The following PCDHA8 variants were observed in gnomAD, a reference collection of about 807,000 sequenced individuals.
PCDHA8 encodes the protein protocadherin alpha 8.
In PCDHA8, 53 loss-of-function variants were observed where a neutral mutation model predicts 61.8. The ratio of observed to expected loss-of-function variants is 0.86; its 90% CI spans 0.69 to 1.08. The LOEUF is 1.08. Ranked by LOEUF, PCDHA8 falls within the 50% of genes least tolerant of loss-of-function variation. The pLI is 0.00. For missense variants in PCDHA8, 1,293 were observed against 1,245.0 expected (o/e 1.04, Z -0.58); for synonymous variants, 618 against 556.6 (o/e 1.11, Z -1.55).
In PCDHA8 at chr5:140,858,119, C is replaced by G. The variant is rs1444406371; in HGVS notation, c.2394+14404C>G. The G allele has an allele frequency of 1.6e-5, 26 of 1,597,694 alleles. 1 individual carries two copies. The highest frequency in any genetic ancestry group is 2.1e-5 in the Non-Finnish European group (25 of 1,167,644). On this transcript the variant is annotated intron_variant, in intron 1 of 3. Transcript: ENST00000531613. The stretch of plus-strand genomic sequence containing the variant: ...AGTGGGCGTGGCGCCCGAGGTGGCC[C>G]TGGTGGATGTCAACGTGTACCTGAT...
chr5:140,883,453 C>T (rs138388360), intron 1 of PCDHA8: 46 of 1,614,168 alleles, frequency 2.8e-5, no homozygotes, highest in Non-Finnish European at 3.9e-5. Context: ...ATGTCCCCTT[C>T]AAGCTGGTGT....
At position 140,941,204 on chromosome 5, in the gene PCDHA8, TTTCTTTCTTC is replaced by T. The variant is rs1554213952; in HGVS notation, c.2395-37744_2395-37735del. Among the ~76,000 whole-genome samples, 512 of 88,682 alleles carry T rather than the reference TTTCTTTCTTC, an allele frequency of 5.8e-3. 4 individuals are homozygous for T. Among genetic ancestry groups the T allele is most frequent in the African/African-American group, 0.011 (178 of 16,048 alleles). The allele number at this position is 88,682 out of a possible 152,430, so 58.2% of individuals were successfully genotyped here. ...CTGCTTCTTTTTTTTTCTTTCTTCC[TTTCTTTCTTC>T]CTTTCTTTCTTTCTTTCTTTCTTTC... On this transcript the variant is annotated intron_variant, in intron 1 of 3. Coordinates refer to ENST00000531613, the MANE Select transcript of PCDHA8 (RefSeq NM_018911.3).
chr5:140,843,741 A>T, intron 1 of PCDHA8, 26 bp downstream of exon 1: 3 of 1,536,408 alleles, frequency 2.0e-6, no homozygotes. Context: ...TTTAGAACTC[A>T]TAAATTCTAT....
intron 1 of PCDHA8, among the ~76,000 whole-genome samples, chr5:140,922,956 T>G (rs2081088317): frequency 6.6e-6 from 1 of 152,236 alleles, no homozygotes; most frequent in Non-Finnish European, 1.5e-5. Context: ...CCAGTTTGTC[T>G]TCAGCCAGTG....
chr5:140,936,151 C>T (rs947807537), intron 1 of PCDHA8, among the ~76,000 whole-genome samples: 66 of 152,246 alleles, frequency 4.3e-4, no homozygotes, highest in African/African-American at 1.5e-3. Context: ...CCTTGGCCTC[C>T]TAAAGTGCTG....
Position 140,843,382 on chromosome 5 carries a change from G to C in PCDHA8, c.2061G>C (p.Leu687Phe). The change falls in exon 1 of 4, where the codon TTG (leucine) becomes TTC (phenylalanine). Residue 687 changes from leucine (L) to phenylalanine (F), a missense_variant. Transcript: ENST00000531613. ...KASSRQSAGV[L>F]GPEAALVDVN... ...CATCGAGGCAGTCGGCTGGCGTTTT[G>C]GGTCCGGAAGCGGCGCTGGTGGATG... The C allele has an allele frequency of 6.3e-7, 1 of 1,596,126 alleles. No homozygotes were observed. Among genetic ancestry groups the C allele is most frequent in the Non-Finnish European group, 8.6e-7 (1 of 1,165,608 alleles).
intron 1 of PCDHA8, among the ~76,000 whole-genome samples, chr5:140,934,797 T>A (rs1045887352): frequency 6.6e-6 from 1 of 152,236 alleles, no homozygotes; most frequent in African/African-American, 2.4e-5. Context: ...CAATTATCTT[T>A]TTAATGATCA....
chr5:140,929,497 C>A, intron 1 of PCDHA8: 1 of 977,560 alleles, frequency 1.0e-6, no homozygotes, highest in Non-Finnish European at 1.4e-6. Context: ...TAGAAGATTG[C>A]CCTAGGCCTC....
At chr5:140,962,405 C>A (rs2095680586) in intron 1 of PCDHA8, among the ~76,000 whole-genome samples, 1 of 152,200 alleles carries the variant, frequency 6.6e-6, no homozygotes, top group South Asian at 2.1e-4. Context: ...TGCCCCAAAC[C>A]TGTCTCTCCC....
At chr5:140,954,807 T>TGAAAATGCTTTAGGCACTTTTGTC (rs2095090008) in intron 1 of PCDHA8, among the ~76,000 whole-genome samples, 1 of 152,248 alleles carries the variant, frequency 6.6e-6, no homozygotes, top group Admixed American at 6.5e-5. Flanking sequence ...TTGCTTTTGT[T>TGAAAATGCTTTAGGCACTTTTGTC]GAAATTGCTT....
intron 1 of PCDHA8, chr5:140,871,166 C>G: frequency 1.2e-6 from 2 of 1,613,486 alleles, no homozygotes; most frequent in Non-Finnish European, 1.7e-6. Flanking sequence ...GCCGCGAGCC[C>G]AGAGGCTGCG....
chr5:140,856,215 C>A lies in PCDHA8; in HGVS notation c.2394+12500C>A, dbSNP rs781995878. ...GCGCAGGACCTGGGGCTGGAGCTGGCGGAGCTGGTGCAGCGCCTGTTCCGG... is the reference window on the plus strand; with the variant it reads ...GCGCAGGACCTGGGGCTGGAGCTGGAGGAGCTGGTGCAGCGCCTGTTCCGG... On this transcript the variant is annotated intron_variant, in intron 1 of 3. Coordinates refer to ENST00000531613, the MANE Select transcript of PCDHA8 (RefSeq NM_018911.3). 3 of 1,597,902 alleles carry A rather than the reference C, an allele frequency of 1.9e-6. No individual in the cohort carries two copies. Among genetic ancestry groups the A allele is most frequent in the African/African-American group, 1.3e-5 (1 of 74,266 alleles).
intron 3 of PCDHA8, among the ~76,000 whole-genome samples, chr5:140,988,469 G>A (rs2097299168): frequency 6.6e-6 from 1 of 152,150 alleles, no homozygotes; most frequent in Admixed American, 6.5e-5. Flanking sequence ...GGTGTGGGAA[G>A]GGGAATTAGC....
intron 1 of PCDHA8, chr5:140,883,596 T>C: frequency 1.2e-6 from 2 of 1,613,794 alleles, no homozygotes; most frequent in East Asian, 4.5e-5. Context: ...AGCGTGTCGG[T>C]GGGGGTGGCC....
At chr5:140,952,146 C>T (rs1204696324) in intron 1 of PCDHA8, among the ~76,000 whole-genome samples, 1 of 152,062 alleles carries the variant, frequency 6.6e-6, no homozygotes, top group African/African-American at 2.4e-5. Context: ...AGCTCCACTC[C>T]TGTGGCTTTG....
At chr5:140,868,908 CTTGGTG>C in intron 1 of PCDHA8, 1 of 882,188 alleles carries the variant, frequency 1.1e-6, no homozygotes, top group Non-Finnish European at 1.7e-6. Flanking sequence ...TCGCTCTTTA[CTTGGTG>C]GAAAGTTCAT....
At chr5:140,985,020 C>G (rs1361661147) in intron 3 of PCDHA8, among the ~76,000 whole-genome samples, 1 of 152,110 alleles carries the variant, frequency 6.6e-6, no homozygotes, top group Non-Finnish European at 1.5e-5. Flanking sequence ...TCACAGCAAC[C>G]TCTGCCTCCT....
chr5:140,871,493 A>C lies in PCDHA8; in HGVS notation c.2394+27778A>C, dbSNP rs968230550. 1.9e-6 allele frequency: 3 copies of C among 1,588,916 alleles called. No individual in the cohort carries two copies. In the African/African-American group the frequency reaches 4.0e-5, roughly 21 times the overall value. On this transcript the variant is annotated intron_variant, in intron 1 of 3. Coordinates refer to ENST00000531613, the MANE Select transcript of PCDHA8 (RefSeq NM_018911.3). Reference sequence around the variant, plus strand: ...GAGCCAGGGTCAAATCACCCCGGACAGGTGAGTTTTCTACAGATTCCACCT... The same window carrying C: ...GAGCCAGGGTCAAATCACCCCGGACCGGTGAGTTTTCTACAGATTCCACCT...
chr5:140,877,350 G>A (rs376513441), intron 1 of PCDHA8: 2 of 1,613,896 alleles, frequency 1.2e-6, no homozygotes, highest in African/African-American at 1.3e-5. Flanking sequence ...ACGTGGGGCT[G>A]TACACTGGCG....
Sources: allele counts gnomAD v4.1 joint callset (sites outside exome capture counted in the v4.1 genomes callset), GRCh38; gene constraint gnomAD v4.1.1; transcripts MANE v1.5; gene names NCBI Gene and HGNC (gene_info 2026-07-23, HGNC 2026-07-21).